PTPRK: variants seen among roughly 807,000 people sequenced by gnomAD.
The protein encoded by PTPRK is receptor-type tyrosine-protein phosphatase kappa.
PTPRK carries 75 observed loss-of-function variants against 178.0 expected under a neutral mutation model. The ratio of observed to expected loss-of-function variants is 0.42; its 90% confidence interval spans 0.35 to 0.51. PTPRK has a LOEUF of 0.51. Among genes scored for constraint, PTPRK ranks in the 20% least tolerant of loss-of-function variants. The pLI is 0.02. For missense variants in PTPRK, 1,441 were observed against 1,797.8 expected (o/e 0.80, Z 3.59); for synonymous variants, 637 against 620.6 (o/e 1.03, Z -0.39).
At chr6:128,023,959 C>T (rs1469962091) in intron 13 of PTPRK, among the ~76,000 whole-genome samples, 1 of 152,056 alleles carries the variant, frequency 6.6e-6, no homozygotes, top group Non-Finnish European at 1.5e-5. Context: ...CATGAGCCAC[C>T]ACACCAGGCC....
At chr6:128,247,546 T>C (rs1815699398) in intron 3 of PTPRK, among the ~76,000 whole-genome samples, 1 of 152,076 alleles carries the variant, frequency 6.6e-6, no homozygotes, top group African/African-American at 2.4e-5. Flanking sequence ...CTCGAACTCC[T>C]AGCCTCAAGT....
chr6:128,352,837 C>T (rs1019389438), intron 2 of PTPRK, among the ~76,000 whole-genome samples: 3 of 152,108 alleles, frequency 2.0e-5, no homozygotes, highest in Non-Finnish European at 4.4e-5. Flanking sequence ...AAATGATATG[C>T]TAGTTGAAAC....
chr6:128,149,292 T>TA (rs1438520379), intron 7 of PTPRK, among the ~76,000 whole-genome samples: 4 of 151,746 alleles, frequency 2.6e-5, no homozygotes, highest in African/African-American at 9.7e-5. Context: ...CCCTAGAACT[T>TA]AAAGTATAAT....
At chr6:128,375,168 A>G (rs1036795276) in intron 2 of PTPRK, among the ~76,000 whole-genome samples, 1 of 150,554 alleles carries the variant, frequency 6.6e-6, no homozygotes, top group Non-Finnish European at 1.5e-5. Flanking sequence ...TTGTTCACGG[A>G]TTTAGCCCAA....
At chr6:128,386,679 T>C (rs974366148) in intron 2 of PTPRK, among the ~76,000 whole-genome samples, 2 of 152,190 alleles carry the variant, frequency 1.3e-5, no homozygotes, top group Non-Finnish European at 2.9e-5. Context: ...AGATGTTAAT[T>C]TTCCACTCTT....
chr6:127,996,213 G>A (rs1396621866), intron 17 of PTPRK, among the ~76,000 whole-genome samples: 1 of 152,052 alleles, frequency 6.6e-6, no homozygotes, highest in Non-Finnish European at 1.5e-5. Context: ...CTCCAAGTAA[G>A]AATTAAAGGC....
chr6:128,185,630 A>G (rs953725599), intron 6 of PTPRK, among the ~76,000 whole-genome samples: 2 of 152,266 alleles, frequency 1.3e-5, no homozygotes, highest in South Asian at 4.1e-4. Context: ...AAAGACCTAA[A>G]GAAAGTGTTA....
chr6:128,461,479 CTGTT>C (rs1256346434), intron 1 of PTPRK, among the ~76,000 whole-genome samples: 1 of 151,932 alleles, frequency 6.6e-6, no homozygotes, highest in Admixed American at 6.6e-5. Flanking sequence ...ACACATTGAC[CTGTT>C]TTTTTTTCAT....
chr6:128,171,405 TGGA>T (rs1800230452), intron 7 of PTPRK, among the ~76,000 whole-genome samples: 1 of 151,978 alleles, frequency 6.6e-6, no homozygotes, highest in Non-Finnish European at 1.5e-5. Flanking sequence ...TAGGTAGTAA[TGGA>T]AAATGTCTAA....
chr6:128,216,898 A>G (rs1809412700), intron 6 of PTPRK, among the ~76,000 whole-genome samples: 1 of 152,208 alleles, frequency 6.6e-6, no homozygotes, highest in Non-Finnish European at 1.5e-5. Context: ...CTGGAAAAAA[A>G]TGTATAGATA....
intron 1 of PTPRK, among the ~76,000 whole-genome samples, chr6:128,436,191 G>C (rs1406048502): frequency 3.3e-5 from 5 of 151,890 alleles, no homozygotes; most frequent in African/African-American, 9.7e-5. Context: ...CCAAAAGACT[G>C]GTAGATAGTT....
At chr6:128,157,511 T>A (rs529817248) in intron 7 of PTPRK, among the ~76,000 whole-genome samples, 41 of 152,110 alleles carry the variant, frequency 2.7e-4, no homozygotes, top group African/African-American at 9.9e-4. Flanking sequence ...ATTATACAGC[T>A]TGTGAATGGT....
intron 13 of PTPRK, among the ~76,000 whole-genome samples, chr6:128,030,418 A>T (rs561557073): frequency 2.6e-5 from 4 of 152,298 alleles, no homozygotes; most frequent in African/African-American, 9.6e-5. Flanking sequence ...TTATAACTTA[A>T]CCAGCAGTGT....
At chr6:128,206,867 A>G (rs565248192) in intron 6 of PTPRK, among the ~76,000 whole-genome samples, 1 of 152,298 alleles carries the variant, frequency 6.6e-6, no homozygotes, top group East Asian at 1.9e-4. Context: ...AGACACATGG[A>G]AAGTGATTTC....
At chr6:128,277,663 C>T (rs556410440) in intron 3 of PTPRK, among the ~76,000 whole-genome samples, 27 of 152,180 alleles carry the variant, frequency 1.8e-4, no homozygotes, top group African/African-American at 6.0e-4. Context: ...GGGGAAAGGA[C>T]GCATATTAAT....
intron 4 of PTPRK, among the ~76,000 whole-genome samples, chr6:128,241,872 C>G (rs906936755): frequency 6.6e-6 from 1 of 150,476 alleles, no homozygotes; most frequent in African/African-American, 2.4e-5. Flanking sequence ...ACCTCCACCT[C>G]CCAGGTTCAA....
intron 13 of PTPRK, among the ~76,000 whole-genome samples, chr6:128,034,572 A>C (rs1422966757): frequency 6.6e-6 from 1 of 152,174 alleles, no homozygotes; most frequent in Non-Finnish European, 1.5e-5. Context: ...AATCAAAAGC[A>C]ACACTCCAAG....
At position 128,242,546 on chromosome 6, in the gene PTPRK, G is replaced by A. The variant is rs747977409; in HGVS notation, c.552C>T (p.Asp184=). 2 of 1,613,010 alleles carry A rather than the reference G, an allele frequency of 1.2e-6. No homozygotes were observed. Among genetic ancestry groups the A allele is most frequent in the Admixed American group, 3.3e-5 (2 of 59,962 alleles). The change falls in exon 4 of 30, where the codon GAC becomes GAT. Residue 184 remains aspartate (D), a synonymous_variant. Transcript: ENST00000368226. ...CACAAGGATAACTCAGTACTTGGATGTCATCAATGGCAATATAACCACTTC... is the reference window on the plus strand; with the variant it reads ...CACAAGGATAACTCAGTACTTGGATATCATCAATGGCAATATAACCACTTC... ...GGRSGYIAID[D]IQVLSYPCDK... is the part of the protein sequence containing the mutation.
intron 3 of PTPRK, among the ~76,000 whole-genome samples, chr6:128,309,036 C>T (rs1826855789): frequency 1.3e-5 from 2 of 152,078 alleles, no homozygotes; most frequent in Admixed American, 1.3e-4. Context: ...ATAGGGTTGC[C>T]ATTCTCTATA....
Sources: allele counts gnomAD v4.1 joint callset (sites outside exome capture counted in the v4.1 genomes callset), GRCh38; gene constraint gnomAD v4.1.1; transcripts MANE v1.5; gene names NCBI Gene and HGNC (gene_info 2026-07-23, HGNC 2026-07-21).